Variants in SLC66A2 observed in about 807,000 individuals in gnomAD.
SLC66A2 encodes the protein solute carrier family 66 member 2, also known as PQ loop repeat containing 1.
Under a neutral mutation model 25.5 loss-of-function variants are expected in SLC66A2, and 23 were observed. The ratio of observed to expected loss-of-function variants is 0.90; its 90% CI spans 0.65 to 1.28. The LOEUF (loss-of-function observed/expected upper bound fraction) is 1.28, where lower values mean the gene tolerates loss of function less well. Ranked by LOEUF, SLC66A2 falls within the 50% of genes most tolerant of loss-of-function variation. The probability of loss-of-function intolerance (pLI) is 0.00; values close to 1 mark genes in which losing one functional copy is unlikely to be tolerated. For synonymous variants in SLC66A2, 193 were observed against 166.5 expected, an observed-to-expected ratio of 1.16 and a Z score of -1.23; for missense variants, 396 against 373.1, an observed-to-expected ratio of 1.06 and a Z score of -0.51.
intron 2 of SLC66A2, among the ~76,000 whole-genome samples, chr18:79,950,119 G>A (rs1437021205): frequency 1.3e-5 from 2 of 152,088 alleles, no homozygotes; most frequent in African/African-American, 4.8e-5. Context: ...AGTGGGGAGG[G>A]ATGCTTGAGG....
intron 5 of SLC66A2, among the ~76,000 whole-genome samples, chr18:79,915,227 AC>A (rs1194738663): frequency 6.6e-6 from 1 of 151,988 alleles, no homozygotes; most frequent in Non-Finnish European, 1.5e-5. Flanking sequence ...AAAAGCGCAG[AC>A]CGGATGAACT....
intron 3 of SLC66A2, among the ~76,000 whole-genome samples, chr18:79,942,321 A>G (rs998666834): frequency 1.3e-5 from 2 of 152,214 alleles, no homozygotes; most frequent in Non-Finnish European, 2.9e-5. Flanking sequence ...TGTGGCCCCA[A>G]CGACACTAAC....
chr18:79,912,936 G>A (rs1228633894), intron 5 of SLC66A2, among the ~76,000 whole-genome samples: 2 of 152,180 alleles, frequency 1.3e-5, no homozygotes, highest in African/African-American at 4.8e-5. Flanking sequence ...GTGGGTGAGG[G>A]GGGGTTCTGA....
chr18:79,940,260 C>T lies in SLC66A2; in HGVS notation c.337+3069G>A, dbSNP rs1228613992. Among the ~76,000 whole-genome samples, 5 of 151,844 alleles carry T rather than the reference C, an allele frequency of 3.3e-5. No homozygotes were observed. The highest frequency in any genetic ancestry group is 4.2e-4 in the South Asian group (2 of 4,816). Reference sequence around the variant, plus strand: ...TGGAGAGCAGGAGGAGGGAGAGGACCGGGAAAAATAACCAGTGGGTACTAG... The same window carrying T: ...TGGAGAGCAGGAGGAGGGAGAGGACTGGGAAAAATAACCAGTGGGTACTAG... On this transcript the variant is annotated intron_variant, in intron 3 of 5. Transcript: ENST00000397778. This position sits in a 1 kb window ranked among gnomAD's most constrained non-coding sequence, Gnocchi z 4.1.
intron 4 of SLC66A2, among the ~76,000 whole-genome samples, chr18:79,932,333 A>T (rs188888636): frequency 2.1e-4 from 32 of 152,154 alleles, no homozygotes; most frequent in Admixed American, 2.1e-3. Context: ...CCTTAAGAAA[A>T]AGAGTAAATT....
chr18:79,926,607 G>A (rs984668761), intron 4 of SLC66A2, among the ~76,000 whole-genome samples: 1 of 152,042 alleles, frequency 6.6e-6, no homozygotes, highest in East Asian at 1.9e-4. Flanking sequence ...ACCAGGCTAC[G>A]GAGCCTCCTG....
chr18:79,945,588 G>A (rs1017515435), intron 2 of SLC66A2, among the ~76,000 whole-genome samples: 1 of 152,238 alleles, frequency 6.6e-6, no homozygotes, highest in African/African-American at 2.4e-5. Flanking sequence ...AAGAAGGGAG[G>A]GTGATGGGCC....
intron 2 of SLC66A2, chr18:79,943,675 G>C: frequency 1.9e-6 from 1 of 540,068 alleles, no homozygotes; most frequent in Non-Finnish European, 3.2e-6. Context: ...GGGTCAGGAG[G>C]GAGGCCCACC....
intron 2 of SLC66A2, among the ~76,000 whole-genome samples, chr18:79,949,162 T>G (rs2051032062): frequency 6.6e-6 from 1 of 152,030 alleles, no homozygotes. Flanking sequence ...ACCCACTCGC[T>G]CACCTAAAAA....
At chr18:79,926,206 G>C (rs1306220986) in intron 4 of SLC66A2, among the ~76,000 whole-genome samples, 2 of 152,234 alleles carry the variant, frequency 1.3e-5, no homozygotes, top group Non-Finnish European at 2.9e-5. Context: ...AGCAGCCCTT[G>C]GGGCTGCTCT....
At chr18:79,933,419 CAATAAAAAGA>C (rs1986765958) in intron 4 of SLC66A2, among the ~76,000 whole-genome samples, 4 of 151,940 alleles carry the variant, frequency 2.6e-5, no homozygotes, top group African/African-American at 9.7e-5. Context: ...CCAGGATAAG[CAATAAAAAGA>C]AATAAAAGCA....
chr18:79,948,582 C>T lies in SLC66A2; in HGVS notation c.203+2142G>A, dbSNP rs148477565. Among the ~76,000 whole-genome samples, 4 of 152,238 alleles carry T rather than the reference C, an allele frequency of 2.6e-5. No individual in the cohort carries two copies. In the East Asian group the frequency reaches 7.7e-4, roughly 29 times the overall value. On this transcript the variant is annotated intron_variant, in intron 2 of 5. Transcript: ENST00000397778. ...TCTTGAACTCCTGGCCTCAAGTGAT[C>T]CTCCCACCCCGGCCTCCAAAAGTGC...
At position 79,927,178 on chromosome 18, in the gene SLC66A2, G is replaced by A. The variant is rs1986053108; in HGVS notation, c.391+6791C>T. Among the ~76,000 whole-genome samples, 1 of 152,232 alleles carries A rather than the reference G, an allele frequency of 6.6e-6. No homozygotes were observed. The highest frequency in any genetic ancestry group is 2.1e-4 in the South Asian group (1 of 4,834). ...AGCTGAGCAGGCAGAGCCTGTCCTT[G>A]GAAACGGCCCGGCCACCTGGGAGGG... On this transcript the variant is annotated intron_variant, in intron 4 of 5. Coordinates refer to ENST00000397778, the MANE Select transcript of SLC66A2 (RefSeq NM_025078.5). The surrounding 1 kb of genome is among the most constrained non-coding windows in gnomAD (Gnocchi z 6.2).
chr18:79,924,539 C>T (rs1475715427), intron 4 of SLC66A2, among the ~76,000 whole-genome samples: 2 of 152,156 alleles, frequency 1.3e-5, no homozygotes, highest in Non-Finnish European at 2.9e-5. Flanking sequence ...ACACTAAAAA[C>T]CACCGAACTG....
chr18:79,916,451 G>C (rs1410251401), intron 5 of SLC66A2, among the ~76,000 whole-genome samples: 1 of 152,242 alleles, frequency 6.6e-6, no homozygotes, highest in Non-Finnish European at 1.5e-5. Context: ...TTCCAGAGAG[G>C]GTCCTGCCGA....
In SLC66A2 at chr18:79,943,336, G is replaced by A. The variant is rs771508770; in HGVS notation, c.330C>T (p.Ser110=). The part of the protein sequence containing the change: ...VANELNARRR[S]FTAADSKDEE... Reference sequence around the variant, plus strand: ...GAAGCGCCGGCCACCAACCTGTAAAGGAGCGGCGCCTGGCGTTGAGCTCGT... The same window carrying A: ...GAAGCGCCGGCCACCAACCTGTAAAAGAGCGGCGCCTGGCGTTGAGCTCGT... Residue 110 remains serine, a synonymous_variant, in exon 3 of 6, where the codon TCC becomes TCT. Coordinates refer to ENST00000397778, the MANE Select transcript of SLC66A2 (RefSeq NM_025078.5). The A allele has an allele frequency of 3.7e-6, 6 of 1,614,016 alleles. No individual in the cohort carries two copies. The highest frequency in any genetic ancestry group is 4.2e-6 in the Non-Finnish European group (5 of 1,179,966).
chr18:79,932,195 C>T (rs901016953), intron 4 of SLC66A2, among the ~76,000 whole-genome samples: 2 of 151,900 alleles, frequency 1.3e-5, no homozygotes, highest in Non-Finnish European at 2.9e-5. Flanking sequence ...CTTTTAGGTG[C>T]ATGAAAACAA....
At chr18:79,933,937 T>C in intron 4 of SLC66A2, 32 bp downstream of exon 4, 1 of 1,595,442 alleles carries the variant, frequency 6.3e-7, no homozygotes, top group Middle Eastern at 1.7e-4. Flanking sequence ...AAAAGGAACG[T>C]GCTGCGGACA....
At chr18:79,943,567 G>A (rs1470958325) in intron 2 of SLC66A2, 105 bp from the exon 3 acceptor site, 19 of 1,367,250 alleles carry the variant, frequency 1.4e-5, no homozygotes, top group Admixed American at 1.2e-4. Context: ...GCCCACCCAC[G>A]CCGCCCCTCC....
Sources: allele counts gnomAD v4.1 joint callset (sites outside exome capture counted in the v4.1 genomes callset), GRCh38; gene constraint gnomAD v4.1.1; non-coding constraint Gnocchi (gnomAD v3.1); transcripts MANE v1.5; gene names NCBI Gene and HGNC (gene_info 2026-07-23, HGNC 2026-07-21).